Variants in ZSWIM9 observed in about 807,000 individuals in gnomAD.
ZSWIM9 encodes the protein zinc finger SWIM-type containing 9.
In ZSWIM9, 11 loss-of-function variants were observed where a neutral mutation model predicts 25.0. The ratio of observed to expected loss-of-function variants is 0.44; its 90% CI spans 0.28 to 0.73. The LOEUF (loss-of-function observed/expected upper bound fraction) is 0.73. Ranked by LOEUF, ZSWIM9 falls within the 30% of genes least tolerant of loss-of-function variation. The pLI is 0.16. For missense variants in ZSWIM9, 1,070 were observed against 1,296.5 expected (o/e 0.83, Z 2.68); for synonymous variants, 562 against 582.1 (o/e 0.97, Z 0.50).
chr19:48,178,695 C>G (rs531177510), intron 2 of ZSWIM9, among the ~76,000 whole-genome samples: 17 of 152,260 alleles, frequency 1.1e-4, no homozygotes, highest in African/African-American at 4.1e-4. Context: ...CCTGCCTCAG[C>G]CTCCTGAGTA....
In ZSWIM9 at chr19:48,196,099, G is replaced by A. The variant is rs1333456912; in HGVS notation, c.2035G>A (p.Gly679Arg). 1.5e-5 allele frequency: 19 copies of A among 1,243,360 alleles called. No individual in the cohort carries two copies. Among genetic ancestry groups the A allele is most frequent in the Non-Finnish European group, 1.9e-5 (19 of 995,292 alleles). 77.0% of individuals were successfully genotyped at this position (1,243,360 alleles called of 1,614,324 possible). Reference sequence around the variant, plus strand: ...GTCCCTGGAGTTGGCCCCTGAGAACGGAGACCAAAGGGGACCCCAGTGGGA... The same window carrying A: ...GTCCCTGGAGTTGGCCCCTGAGAACAGAGACCAAAGGGGACCCCAGTGGGA... The part of the protein sequence containing the change: ...EKSLELAPEN[G>R]DQRGPQWEDE... Residue 679 changes from glycine to arginine, a missense_variant, in exon 4 of 4, where the codon GGA becomes AGA. Around this residue, in one of 4 missense-constraint regions of ZSWIM9, gnomAD observed 583 missense variants for 624.7 expected, o/e 0.93. Transcript: ENST00000614654.
intron 3 of ZSWIM9, among the ~76,000 whole-genome samples, chr19:48,185,042 T>C (rs2036993597): frequency 6.6e-6 from 1 of 152,124 alleles, no homozygotes; most frequent in South Asian, 2.1e-4. Flanking sequence ...GAGCCTTCCC[T>C]GGAAGGGGAG....
intron 3 of ZSWIM9, chr19:48,187,569 T>TATATATTATATATTATATAATATAA (rs1159441428): frequency 7.6e-4 from 14 of 18,334 alleles, no homozygotes; most frequent in Non-Finnish European, 1.5e-3. Flanking sequence ...ATATATAATA[T>TATATATTATATATTATATAATATAA]TATATATATT....
rs1433444379 is a variant in ZSWIM9 at position 48,182,494 on chromosome 19, G to A, written c.315G>A (p.Lys105=). ...GCTGCCCCGCCTTCATCATCGTCAA[G>A]CTGAGCCCGCTGCGGGACCGCCTCG... ...QPGCPAFIIV[K]LSPLRDRLVV... Residue 105 remains lysine (K), a synonymous_variant, in exon 3 of 4, where the codon AAG becomes AAA. Transcript: ENST00000614654. This position sits in a 1 kb window ranked among gnomAD's most constrained non-coding sequence, Gnocchi z 4.6. 6.5e-7 allele frequency: 1 copy of A among 1,535,576 alleles called. No homozygotes were observed. Among genetic ancestry groups the A allele is most frequent in the South Asian group, 1.2e-5 (1 of 83,986 alleles).
At chr19:48,179,157 CCTTT>C (rs1371022011) in intron 2 of ZSWIM9, among the ~76,000 whole-genome samples, 2 of 151,690 alleles carry the variant, frequency 1.3e-5, no homozygotes, top group Non-Finnish European at 2.9e-5. Flanking sequence ...TTTCCTATTC[CCTTT>C]CTTTTATTTT....
chr19:48,190,497 A>G (rs1226024627), intron 3 of ZSWIM9: 2 of 154,870 alleles, frequency 1.3e-5, no homozygotes, highest in African/African-American at 2.4e-5. Flanking sequence ...CGTAATTACC[A>G]TATCTGGCAG....
intron 2 of ZSWIM9, among the ~76,000 whole-genome samples, chr19:48,175,372 T>C (rs751610652): frequency 6.6e-6 from 1 of 152,080 alleles, no homozygotes; most frequent in Non-Finnish European, 1.5e-5. Flanking sequence ...CCGTCATGTC[T>C]AGCTCCCTCA....
In ZSWIM9 at chr19:48,196,144, C is replaced by T; in HGVS notation, c.2080C>T (p.Pro694Ser). 8.1e-7 allele frequency: 1 copy of T among 1,239,334 alleles called. No homozygotes were observed. The highest frequency in any genetic ancestry group is 1.0e-6 in the Non-Finnish European group (1 of 992,978). 76.8% of individuals were successfully genotyped at this position (1,239,334 alleles called of 1,614,324 possible). A position where few individuals can be genotyped will look rare whatever the true frequency, so the allele number is the denominator to read the frequency against. Reference protein sequence around the residue: ...PQWEDERRRGPEIAEERGARV... With the variant: ...PQWEDERRRGSEIAEERGARV... ...GTGGGAAGATGAGAGGAGGAGAGGG[C>T]CAGAGATTGCAGAGGAGAGGGGAGC... The change falls in exon 4 of 4, where the codon CCA becomes TCA. Residue 694 changes from proline to serine, a missense_variant. Transcript: ENST00000614654.
chr19:48,172,158 A>C, intron 2 of ZSWIM9, 81 bp downstream of exon 2: 2 of 1,341,130 alleles, frequency 1.5e-6, no homozygotes, highest in Non-Finnish European at 1.0e-6. Flanking sequence ...GGCAGAGAAC[A>C]CCCCACCCAG....
chr19:48,194,673 G>A lies in ZSWIM9; in HGVS notation c.609G>A (p.Glu203=). The change falls in exon 4 of 4, where the codon GAG becomes GAA. Residue 203 remains glutamate (E), a synonymous_variant. Coordinates refer to ENST00000614654, the MANE Select transcript of ZSWIM9 (RefSeq NM_199341.4). The surrounding 1 kb of genome is among the most constrained non-coding windows in gnomAD (Gnocchi z 6.0). ...CGCAGGTGAAGCTGGTGTTCGTGGAGGACCAGGCTGTGGTGGAGACGGTGT... is the reference window on the plus strand; with the variant it reads ...CGCAGGTGAAGCTGGTGTTCGTGGAAGACCAGGCTGTGGTGGAGACGGTGT... ...PEAKVKLVFV[E]DQAVVETVFF... is the part of the protein sequence containing the mutation. 2 of 1,509,582 alleles carry A rather than the reference G, an allele frequency of 1.3e-6. No homozygotes were observed. Among genetic ancestry groups the A allele is most frequent in the Non-Finnish European group, 8.8e-7 (1 of 1,131,312 alleles). The allele number at this position is 1,509,582 out of a possible 1,614,324, so 93.5% of individuals were successfully genotyped here.
At chr19:48,189,224 A>C (rs754047053) in intron 3 of ZSWIM9, among the ~76,000 whole-genome samples, 11 of 152,238 alleles carry the variant, frequency 7.2e-5, no homozygotes, top group Non-Finnish European at 1.6e-4. Context: ...TGAAAGCAGC[A>C]GATTAGAAAC....
rs1184001147 is a variant in ZSWIM9 at position 48,196,294 on chromosome 19, C to T, written c.2230C>T (p.Arg744Ter). The change falls in exon 4 of 4, where the codon CGA becomes TGA. Residue 744 changes from arginine to a stop codon, truncating the protein, a stop_gained. Transcript: ENST00000614654. LOFTEE classifies it low-confidence loss of function (END_TRUNC). ...AGCCCGGTCCGTGGGCCCCAAGAGC[C>T]GAGCCGGACGAGGGATGGAGTGGGG... ...GGARSVGPKS[R>*]AGRGMEWGDA... 1 of 1,233,436 alleles carries T rather than the reference C, an allele frequency of 8.1e-7. No homozygotes were observed. The allele number at this position is 1,233,436 out of a possible 1,614,324, so 76.4% of individuals were successfully genotyped here. A position where few individuals can be genotyped will look rare whatever the true frequency, so the allele number is the denominator to read the frequency against.
intron 2 of ZSWIM9, among the ~76,000 whole-genome samples, chr19:48,180,221 G>C (rs1166140459): frequency 6.6e-6 from 1 of 152,068 alleles, no homozygotes; most frequent in Non-Finnish European, 1.5e-5. Flanking sequence ...TCTCCATGTT[G>C]GTCAGGCTGG....
chr19:48,194,951 C>T lies in ZSWIM9; in HGVS notation c.887C>T (p.Pro296Leu). ...KGRVRCLTAG[P>L]EVAAQLPAVR... Reference sequence around the variant, plus strand: ...CGCGTGCGCTGCCTCACCGCCGGGCCCGAGGTGGCGGCGCAGTTGCCTGCA... The same window carrying T: ...CGCGTGCGCTGCCTCACCGCCGGGCTCGAGGTGGCGGCGCAGTTGCCTGCA... The change falls in exon 4 of 4, where the codon CCC (proline) becomes CTC (leucine). Residue 296 changes from proline (P) to leucine (L), a missense_variant. Pro to Leu is a moderately conservative substitution (Grantham distance 98). Transcript: ENST00000614654. The surrounding 1 kb of genome is among the most constrained non-coding windows in gnomAD (Gnocchi z 6.0). 7.5e-7 allele frequency: 1 copy of T among 1,327,098 alleles called. No individual in the cohort carries two copies. Among genetic ancestry groups the T allele is most frequent in the South Asian group, 1.6e-5 (1 of 61,526 alleles). The allele number at this position is 1,327,098 out of a possible 1,614,324, so 82.2% of individuals were successfully genotyped here. A position where few individuals can be genotyped will look rare whatever the true frequency, so the allele number is the denominator to read the frequency against.
In ZSWIM9 at chr19:48,195,909, C is replaced by T. The variant is rs750718332; in HGVS notation, c.1845C>T (p.Asp615=). 593 of 1,384,108 alleles carry T rather than the reference C, an allele frequency of 4.3e-4. 1 individual carries two copies. The highest frequency in any genetic ancestry group is 5.0e-4 in the Non-Finnish European group (538 of 1,074,024). 85.7% of individuals were successfully genotyped at this position (1,384,108 alleles called of 1,614,324 possible). A position where few individuals can be genotyped will look rare whatever the true frequency, so the allele number is the denominator to read the frequency against. Reference sequence around the variant, plus strand: ...CCGACCTGAGGGGGACCCAGTTTGACTATGAGAGGGTCAGGAGTCTTGAAG... The same window carrying T: ...CCGACCTGAGGGGGACCCAGTTTGATTATGAGAGGGTCAGGAGTCTTGAAG... ...STTDLRGTQF[D]YERVRSLEGS... Residue 615 remains aspartate (D), a synonymous_variant, in exon 4 of 4, where the codon GAC becomes GAT. Transcript: ENST00000614654. This position sits in a 1 kb window ranked among gnomAD's most constrained non-coding sequence, Gnocchi z 5.8.
chr19:48,194,776 C>T lies in ZSWIM9; in HGVS notation c.712C>T (p.Gln238Ter). Residue 238 changes from glutamine to a stop codon, truncating the protein, a stop_gained, in exon 4 of 4, where the codon CAG becomes TAG. Transcript: ENST00000614654. LOFTEE classifies it low-confidence loss of function (END_TRUNC). This position sits in a 1 kb window ranked among gnomAD's most constrained non-coding sequence, Gnocchi z 6.0. The stretch of plus-strand genomic sequence containing the variant: ...GCTGGTGGACCGGCTGCCGGGGCTG[C>T]AGGGCGCGCTGGATCTGCTGGCCGT... ...MLLVDRLPGL[Q>*]GALDLLAVLC... 6.5e-7 allele frequency: 1 copy of T among 1,532,410 alleles called. No homozygotes were observed. The highest frequency in any genetic ancestry group is 1.2e-5 in the South Asian group (1 of 83,636). The allele number at this position is 1,532,410 out of a possible 1,614,324, so 94.9% of individuals were successfully genotyped here.
intron 2 of ZSWIM9, among the ~76,000 whole-genome samples, chr19:48,175,180 A>G (rs1322074519): frequency 6.6e-6 from 1 of 152,176 alleles, no homozygotes; most frequent in Non-Finnish European, 1.5e-5. Flanking sequence ...ATGTGCAGGT[A>G]CTGTCCCAAG....
chr19:48,179,569 C>T (rs2036926716), intron 2 of ZSWIM9, among the ~76,000 whole-genome samples: 1 of 151,398 alleles, frequency 6.6e-6, no homozygotes, highest in South Asian at 2.2e-4. Flanking sequence ...CCTAGACAAA[C>T]TCTTGCTCAC....
rs536970349 is a variant in ZSWIM9 at position 48,182,757 on chromosome 19, C to G, written c.578C>G (p.Pro193Arg). The G allele has an allele frequency of 7.9e-6, 12 of 1,526,034 alleles. No individual in the cohort carries two copies. The highest frequency in any genetic ancestry group is 4.9e-5 in the East Asian group (2 of 40,640). 94.5% of individuals were successfully genotyped at this position (1,526,034 alleles called of 1,614,324 possible). Residue 193 changes from proline (P) to arginine (R), a missense_variant, in exon 3 of 4, where the codon CCC (proline) becomes CGC (arginine). Pro to Arg is a moderately radical substitution (Grantham distance 103, BLOSUM62 -2). Coordinates refer to ENST00000614654, the MANE Select transcript of ZSWIM9 (RefSeq NM_199341.4). The surrounding 1 kb of genome is among the most constrained non-coding windows in gnomAD (Gnocchi z 4.6). Reference protein sequence around the residue: ...HVLEGLFRTDPEAKVKLVFVE... With the variant: ...HVLEGLFRTDREAKVKLVFVE... ...CTCGAGGGCCTCTTCCGCACCGACCCCGAGGCCAAGGTGGGGTCTCGAGAG... is the reference window on the plus strand; with the variant it reads ...CTCGAGGGCCTCTTCCGCACCGACCGCGAGGCCAAGGTGGGGTCTCGAGAG...
Sources: gnomAD v4.1 joint callset for allele counts (sites outside exome capture counted in the v4.1 genomes callset) on GRCh38, gnomAD v4.1.1 for gene constraint, gnomAD v4.1.1 regional missense constraint, Gnocchi (gnomAD v3.1) non-coding constraint, MANE v1.5 for transcripts, NCBI Gene and HGNC (gene_info 2026-07-23, HGNC 2026-07-21) for gene names.